TNS3: variants seen among roughly 807,000 people sequenced by gnomAD.
The protein encoded by TNS3 is tensin-3.
In TNS3, 45 loss-of-function variants were observed where a neutral mutation model predicts 140.9. The observed-to-expected ratio is 0.32, with a 90% CI of 0.25 to 0.41. The LOEUF (loss-of-function observed/expected upper bound fraction) is 0.41, where lower values mean the gene tolerates loss of function less well. Among genes scored for constraint, TNS3 ranks in the 10% least tolerant of loss-of-function variants. The pLI is 1.00. For synonymous variants in TNS3, 815 were observed against 788.4 expected, an observed-to-expected ratio of 1.03 and a Z score of -0.56; for missense variants, 1,716 against 1,906.7, an observed-to-expected ratio of 0.90 and a Z score of 1.86.
In TNS3 at chr7:47,302,966, C is replaced by T. The variant is rs1335537485; in HGVS notation, c.3441G>A (p.Ala1147=). The stretch of plus-strand genomic sequence containing the variant: ...CACACCTACCTGGCAGAGGTGAGGC[C>T]GCTTCTGAAGCCTTGGAAAAGTCGG... ...VLPDFSKASE[A]ASPLPDSPGD... Residue 1147 remains alanine, a synonymous_variant, in exon 22 of 31, where the codon GCG becomes GCA. Transcript: ENST00000311160. 5 of 1,606,022 alleles carry T rather than the reference C, an allele frequency of 3.1e-6. No homozygotes were observed. The highest frequency in any genetic ancestry group is 2.2e-5 in the East Asian group (1 of 44,740).
intron 16 of TNS3, among the ~76,000 whole-genome samples, chr7:47,388,328 T>A (rs1174776970): frequency 6.6e-6 from 1 of 152,176 alleles, no homozygotes; most frequent in East Asian, 1.9e-4. Flanking sequence ...GATGGAGCCC[T>A]CTTCCAGGTT....
At chr7:47,300,515 C>A (rs1786333322) in intron 23 of TNS3, among the ~76,000 whole-genome samples, 1 of 152,228 alleles carries the variant, frequency 6.6e-6, no homozygotes, top group Non-Finnish European at 1.5e-5. Context: ...TCTCAGCAAA[C>A]CCCCGCGGCA....
intron 28 of TNS3, 21 bp downstream of exon 28, chr7:47,283,676 T>G: frequency 6.6e-7 from 1 of 1,525,264 alleles, no homozygotes; most frequent in Non-Finnish European, 8.8e-7. Context: ...GGACGGCTCC[T>G]GCCTCCCTCT....
chr7:47,353,738 C>A (rs2151043886), intron 17 of TNS3, among the ~76,000 whole-genome samples: 1 of 152,310 alleles, frequency 6.6e-6, no homozygotes, highest in African/African-American at 2.4e-5. Context: ...CCTCCTACCA[C>A]AGCCCAGCAC....
intron 2 of TNS3, among the ~76,000 whole-genome samples, chr7:47,523,025 T>C (rs771995991): frequency 9.9e-5 from 15 of 152,084 alleles, no homozygotes; most frequent in Non-Finnish European, 1.0e-4. Flanking sequence ...TGTTTAAAAA[T>C]TACCCTAAAC....
At position 47,539,708 on chromosome 7, in the gene TNS3, T is replaced by C. The variant is rs1192686940; in HGVS notation, c.-264-10561A>G. 2.6e-5 allele frequency: 4 copies of C among 156,458 alleles called. No individual in the cohort carries two copies. The South Asian group carries it at 8.0e-4, about 31-fold the overall frequency. The allele number at this position is 156,458 out of a possible 1,614,324, so 9.7% of individuals were successfully genotyped here. On this transcript the variant is annotated intron_variant, in intron 1 of 30. Coordinates refer to ENST00000311160, the MANE Select transcript of TNS3 (RefSeq NM_022748.12). ...CCATGGCTGAGCCACTCAAGGATGG[T>C]TGGGGCCCTGACCCTCTAGTGTGGT...
chr7:47,404,723 A>G (rs936008936), intron 13 of TNS3, among the ~76,000 whole-genome samples: 1 of 151,906 alleles, frequency 6.6e-6, no homozygotes, highest in Non-Finnish European at 1.5e-5. Flanking sequence ...CGTCTTTACT[A>G]AAAAAATACA....
intron 2 of TNS3, among the ~76,000 whole-genome samples, chr7:47,522,521 C>A (rs908472661): frequency 4.6e-5 from 7 of 152,216 alleles, no homozygotes; most frequent in African/African-American, 1.7e-4. Flanking sequence ...TGGGAGCATC[C>A]CTGAACACCT....
At chr7:47,432,814 TA>T (rs961213510) in intron 8 of TNS3, among the ~76,000 whole-genome samples, 2 of 152,220 alleles carry the variant, frequency 1.3e-5, no homozygotes, top group Non-Finnish European at 2.9e-5. Flanking sequence ...ATACAGCTCT[TA>T]GCTCACAGGA....
At chr7:47,528,223 G>A (rs900893994) in intron 2 of TNS3, among the ~76,000 whole-genome samples, 1 of 152,090 alleles carries the variant, frequency 6.6e-6, no homozygotes, top group Non-Finnish European at 1.5e-5. Flanking sequence ...ACCCATTAAG[G>A]TTTGACTGCG....
chr7:47,572,361 C>G (rs937351139), intron 1 of TNS3, among the ~76,000 whole-genome samples: 4 of 152,204 alleles, frequency 2.6e-5, no homozygotes, highest in East Asian at 1.9e-4. Flanking sequence ...ATGCTTCTCA[C>G]GCCCACTGCT....
chr7:47,463,149 C>A (rs112529519), intron 4 of TNS3, among the ~76,000 whole-genome samples: 9 of 152,156 alleles, frequency 5.9e-5, no homozygotes, highest in Non-Finnish European at 1.3e-4. Flanking sequence ...CCAACCGCTT[C>A]AAGGCATAAC....
rs1784841708 is a variant in TNS3, at chr7:47,275,675, A to T, written c.*2401T>A. The stretch of plus-strand genomic sequence containing the variant: ...CAAAAGGAAGAAAGAAACTTCCTAT[A>T]CCAGCTCTTCAGAAATCGTGGAAAC... On this transcript the variant is annotated 3_prime_UTR_variant, in exon 31 of 31. Coordinates refer to ENST00000311160, the MANE Select transcript of TNS3 (RefSeq NM_022748.12). 9.7e-6 allele frequency: 4 copies of T among 410,394 alleles called. No individual in the cohort carries two copies. Among genetic ancestry groups the T allele is most frequent in the Non-Finnish European group, 1.9e-5 (4 of 205,346 alleles). The allele number at this position is 410,394 out of a possible 1,614,324, so 25.4% of individuals were successfully genotyped here. A position where few individuals can be genotyped will look rare whatever the true frequency, so the allele number is the denominator to read the frequency against.
chr7:47,399,623 T>A, intron 15 of TNS3, among the ~76,000 whole-genome samples: 1 of 152,184 alleles, frequency 6.6e-6, no homozygotes, highest in East Asian at 1.9e-4. Flanking sequence ...TAGCCACATG[T>A]AGAAGAATAA....
chr7:47,286,758 G>A (rs1349229070), intron 27 of TNS3, among the ~76,000 whole-genome samples: 1 of 152,136 alleles, frequency 6.6e-6, no homozygotes, highest in East Asian at 1.9e-4. Context: ...TAGAAACATG[G>A]TAAATGAACA....
chr7:47,390,713 C>A (rs939071683), intron 16 of TNS3, among the ~76,000 whole-genome samples: 2 of 152,210 alleles, frequency 1.3e-5, no homozygotes, highest in African/African-American at 2.4e-5. Flanking sequence ...TCATCTCCAA[C>A]CCTCAGACAT....
At chr7:47,322,014 A>G (rs1012630237) in intron 20 of TNS3, among the ~76,000 whole-genome samples, 15 of 152,072 alleles carry the variant, frequency 9.9e-5, no homozygotes, top group African/African-American at 3.6e-4. Context: ...CTGTCCTGGA[A>G]GGAGGAGTCT....
At chr7:47,310,146 G>A (rs1787006328) in intron 20 of TNS3, among the ~76,000 whole-genome samples, 1 of 152,196 alleles carries the variant, frequency 6.6e-6, no homozygotes, top group African/African-American at 2.4e-5. Context: ...TCAGAGAAAT[G>A]AGGACTGCAG....
intron 27 of TNS3, among the ~76,000 whole-genome samples, chr7:47,290,220 C>G (rs1166710190): frequency 6.6e-6 from 1 of 152,182 alleles, no homozygotes; most frequent in Non-Finnish European, 1.5e-5. Context: ...GACCTTACTT[C>G]CTTCACAAAA....
Sources: allele counts gnomAD v4.1 joint callset (sites outside exome capture counted in the v4.1 genomes callset), GRCh38; gene constraint gnomAD v4.1.1; transcripts MANE v1.5; gene names NCBI Gene and HGNC (gene_info 2026-07-23, HGNC 2026-07-21).